Variants in SMIM35 observed in about 807,000 individuals in gnomAD.
SMIM35 encodes small integral membrane protein 35, also known as TMPRSS4 antisense RNA 1 (non-protein coding).
intron 1 of SMIM35, among the ~76,000 whole-genome samples, chr11:118,065,228 G>A (rs990242807): frequency 6.6e-5 from 10 of 152,174 alleles, no homozygotes; most frequent in African/African-American, 2.4e-4. Context: ...ATTACAGCAA[G>A]GACACTCCCA....
intron 1 of SMIM35, among the ~76,000 whole-genome samples, chr11:118,075,078 G>A (rs1944636727): frequency 6.6e-6 from 1 of 152,154 alleles, no homozygotes; most frequent in Non-Finnish European, 1.5e-5. Context: ...GCAAACCTGT[G>A]GGCCAGATGT....
intron 1 of SMIM35, among the ~76,000 whole-genome samples, chr11:118,038,353 A>G (rs1422231625): frequency 2.0e-5 from 3 of 152,182 alleles, no homozygotes; most frequent in Admixed American, 6.5e-5. Flanking sequence ...AAAGAATAAC[A>G]CCCACGTAAA....
In SMIM35 at chr11:118,084,704, C is replaced by T. The variant is rs375843302; in HGVS notation, c.7+2047G>A. On this transcript the variant is annotated intron_variant, in intron 1 of 4. Coordinates refer to ENST00000689828, the MANE Select transcript of SMIM35 (RefSeq NM_001394165.1). ...AGAGCACTAATTTTCACTTACTAAA[C>T]TCCTCTATGTTTCAAGCACCAAGCC... Among the ~76,000 whole-genome samples, 11 of 152,318 alleles carry T rather than the reference C, an allele frequency of 7.2e-5. No homozygotes were observed. The East Asian group carries it at 1.9e-3, about 27-fold the overall frequency.
chr11:118,051,448 A>G (rs1213811020), intron 1 of SMIM35, among the ~76,000 whole-genome samples: 1 of 152,258 alleles, frequency 6.6e-6, no homozygotes, highest in African/African-American at 2.4e-5. Context: ...ATTTGATTAA[A>G]GGCAACTTAA....
At chr11:118,018,763 C>T (rs1022953940) in intron 1 of SMIM35, among the ~76,000 whole-genome samples, 6 of 152,136 alleles carry the variant, frequency 3.9e-5, no homozygotes, top group Admixed American at 2.0e-4. Flanking sequence ...CTACACAGTG[C>T]CTTCTGACTT....
At chr11:118,018,781 T>G (rs2058203424) in intron 1 of SMIM35, among the ~76,000 whole-genome samples, 1 of 152,220 alleles carries the variant, frequency 6.6e-6, no homozygotes, top group Non-Finnish European at 1.5e-5. Context: ...CTTAGGCAGG[T>G]TGCAGAAACA....
intron 1 of SMIM35, among the ~76,000 whole-genome samples, chr11:118,020,836 G>GTT (rs1184857001): frequency 2.0e-5 from 3 of 152,058 alleles, no homozygotes; most frequent in African/African-American, 7.2e-5. Flanking sequence ...AATTGTATTG[G>GTT]TTAGAACTTC....
intron 1 of SMIM35, among the ~76,000 whole-genome samples, chr11:118,021,924 G>A (rs2058233804): frequency 6.6e-6 from 1 of 151,932 alleles, no homozygotes; most frequent in Non-Finnish European, 1.5e-5. Context: ...TGACCTTGTA[G>A]ACATTTACAG....
At chr11:118,071,080 G>A (rs1394773920) in intron 1 of SMIM35, among the ~76,000 whole-genome samples, 2 of 152,222 alleles carry the variant, frequency 1.3e-5, no homozygotes, top group Admixed American at 6.5e-5. Flanking sequence ...TGGCACATGG[G>A]AGCGCACATT....
chr11:118,060,972 A>G (rs1003233010), intron 1 of SMIM35, among the ~76,000 whole-genome samples: 1 of 152,254 alleles, frequency 6.6e-6, no homozygotes, highest in African/African-American at 2.4e-5. Flanking sequence ...GTGACCTCAC[A>G]TCACAGTGTC....
rs377312959 is a variant in SMIM35, at chr11:118,042,068, A to AGAGAGAG, written c.8-26260_8-26259insCTCTCTC. ...TCTGTCACAAATGAAAAAAAAAAAA[A>AGAGAGAG]AGAGAGAGAGAGAAAGAAAGACAAA... On this transcript the variant is annotated intron_variant, in intron 1 of 4. Coordinates refer to ENST00000689828, the MANE Select transcript of SMIM35 (RefSeq NM_001394165.1). 1.9e-3 allele frequency among the ~76,000 whole-genome samples: 221 copies of AGAGAGAG among 117,882 alleles called. 1 individual carries two copies. The highest frequency in any genetic ancestry group is 4.8e-3 in the East Asian group (19 of 3,918). The allele number at this position is 117,882 out of a possible 152,430, so 77.3% of individuals were successfully genotyped here.
chr11:118,023,800 A>T (rs191503047), intron 1 of SMIM35, among the ~76,000 whole-genome samples: 279 of 152,286 alleles, frequency 1.8e-3, no homozygotes, highest in African/African-American at 6.6e-3. Context: ...TGGGAGGCCA[A>T]GGTGGATGGA....
intron 3 of SMIM35, 68 bp downstream of exon 3, chr11:118,014,640 T>C (rs2058169400): frequency 2.5e-6 from 1 of 398,624 alleles, no homozygotes; most frequent in African/African-American, 2.1e-5. Flanking sequence ...TAATCTATCT[T>C]TGATTCTTTT....
intron 1 of SMIM35, among the ~76,000 whole-genome samples, chr11:118,041,464 C>G (rs970482509): frequency 2.6e-5 from 4 of 152,080 alleles, no homozygotes; most frequent in African/African-American, 9.6e-5. Flanking sequence ...ATTCTCTGAC[C>G]ACAATGAAAT....
intron 1 of SMIM35, among the ~76,000 whole-genome samples, chr11:118,055,816 GGAGA>G (rs2135111878): frequency 6.6e-6 from 1 of 152,240 alleles, no homozygotes; most frequent in East Asian, 1.9e-4. Flanking sequence ...GACCTCTGGT[GGAGA>G]GAAAGAGGAG....
At chr11:118,024,980 CCA>C (rs1184995608) in intron 1 of SMIM35, among the ~76,000 whole-genome samples, 2 of 152,012 alleles carry the variant, frequency 1.3e-5, no homozygotes, top group African/African-American at 4.8e-5. Context: ...CCATATGTAC[CCA>C]GTGTTAAGCT....
intron 1 of SMIM35, among the ~76,000 whole-genome samples, chr11:118,027,614 G>A (rs1190230878): frequency 6.6e-6 from 1 of 152,190 alleles, no homozygotes; most frequent in Non-Finnish European, 1.5e-5. Flanking sequence ...AACTTTTAGA[G>A]CAGGCTATGT....
At chr11:118,079,779 G>C (rs1573581) in intron 1 of SMIM35, among the ~76,000 whole-genome samples, 1 of 152,196 alleles carries the variant, frequency 6.6e-6, no homozygotes, top group Non-Finnish European at 1.5e-5. Flanking sequence ...GCCAGCCTGC[G>C]GGCAGCGGGG....
chr11:118,023,705 C>G (rs2058250711), intron 1 of SMIM35, among the ~76,000 whole-genome samples: 1 of 151,358 alleles, frequency 6.6e-6, no homozygotes, highest in Non-Finnish European at 1.5e-5. Flanking sequence ...AGGAACTATC[C>G]AAGGTGAGAC....
Sources: gnomAD v4.1 joint callset for allele counts (sites outside exome capture counted in the v4.1 genomes callset) on GRCh38, gnomAD v4.1.1 for gene constraint, MANE v1.5 for transcripts, NCBI Gene and HGNC (gene_info 2026-07-23, HGNC 2026-07-21) for gene names.